The following HHAT variants were observed in gnomAD, a reference collection of about 807,000 sequenced individuals.
HHAT encodes the protein protein-cysteine N-palmitoyltransferase HHAT.
Under a neutral mutation model 70.8 loss-of-function variants are expected in HHAT, and 47 were observed. That is an observed-to-expected ratio of 0.66 (90% confidence interval 0.53 to 0.85). The LOEUF is 0.85. HHAT is among the 40% of genes least tolerant of loss of function. HHAT has a pLI of 0.00. For missense variants in HHAT, 609 were observed against 604.8 expected (o/e 1.01, Z -0.07); for synonymous variants, 228 against 247.6 (o/e 0.92, Z 0.74).
At chr1:210,616,460 C>T (rs2148857247) in intron 10 of HHAT, among the ~76,000 whole-genome samples, 1 of 152,202 alleles carries the variant, frequency 6.6e-6, no homozygotes, top group South Asian at 2.1e-4. Flanking sequence ...CTTGTGGATC[C>T]CAGTTACTTT....
intron 11 of HHAT, among the ~76,000 whole-genome samples, chr1:210,653,554 A>G (rs1675642406): frequency 6.6e-6 from 1 of 151,334 alleles, no homozygotes; most frequent in Admixed American, 6.6e-5. Flanking sequence ...AAAGTTAAAT[A>G]CCATTTAATG....
At chr1:210,595,656 T>C (rs1490365421) in intron 10 of HHAT, among the ~76,000 whole-genome samples, 1 of 152,234 alleles carries the variant, frequency 6.6e-6, no homozygotes, top group Non-Finnish European at 1.5e-5. Context: ...ATGATTGCCA[T>C]TCTAACTGGT....
chr1:210,539,860 T>G (rs1217250070), intron 9 of HHAT, among the ~76,000 whole-genome samples: 1 of 152,190 alleles, frequency 6.6e-6, no homozygotes, highest in Non-Finnish European at 1.5e-5. Context: ...TATGAGAGTG[T>G]GTATCTGTTC....
At chr1:210,661,853 G>C (rs1280537519) in intron 11 of HHAT, among the ~76,000 whole-genome samples, 1 of 152,184 alleles carries the variant, frequency 6.6e-6, no homozygotes, top group African/African-American at 2.4e-5. Flanking sequence ...GTGGCAGGGG[G>C]AGGGTAGCAT....
intron 1 of HHAT, among the ~76,000 whole-genome samples, chr1:210,334,524 C>A (rs979724330): frequency 5.8e-4 from 88 of 151,954 alleles, no homozygotes; most frequent in African/African-American, 2.0e-3. Context: ...CCCGGGTTCA[C>A]AGTTGTTTCT....
intron 8 of HHAT, among the ~76,000 whole-genome samples, chr1:210,509,660 G>A (rs1462222697): frequency 5.9e-5 from 9 of 152,186 alleles, no homozygotes; most frequent in African/African-American, 2.2e-4. Context: ...CTGTGTGTGT[G>A]TGTTGGCTTT....
At chr1:210,497,275 G>A (rs554461795) in intron 8 of HHAT, among the ~76,000 whole-genome samples, 1 of 152,168 alleles carries the variant, frequency 6.6e-6, no homozygotes, top group Non-Finnish European at 1.5e-5. Flanking sequence ...AAACAAATCT[G>A]TTTTAGCTCT....
intron 9 of HHAT, among the ~76,000 whole-genome samples, chr1:210,564,418 A>G (rs942302492): frequency 4.6e-5 from 7 of 152,352 alleles, no homozygotes; most frequent in Non-Finnish European, 1.0e-4. Flanking sequence ...AGATGAAAAC[A>G]GAGAGCTCCA....
In HHAT at chr1:210,482,481, A is replaced by C. The variant is rs529566549; in HGVS notation, c.1007+17826A>C. 1.7e-4 allele frequency among the ~76,000 whole-genome samples: 26 copies of C among 152,346 alleles called. No homozygotes were observed. The East Asian group carries it at 5.0e-3, about 29-fold the overall frequency. On this transcript the variant is annotated intron_variant, in intron 8 of 11. Transcript: ENST00000261458. ...CACAGGGTGCCAGTAATTAGATAGAAGAATACTCCCTTCATTGTTTGTCTG... is the reference window on the plus strand; with the variant it reads ...CACAGGGTGCCAGTAATTAGATAGACGAATACTCCCTTCATTGTTTGTCTG...
At chr1:210,572,134 C>A (rs1656444027) in intron 9 of HHAT, among the ~76,000 whole-genome samples, 1 of 152,188 alleles carries the variant, frequency 6.6e-6, no homozygotes, top group African/African-American at 2.4e-5. Flanking sequence ...CAAGCTCAAG[C>A]ATTATCAGTT....
At chr1:210,614,309 G>C (rs541324241) in intron 10 of HHAT, among the ~76,000 whole-genome samples, 1 of 152,084 alleles carries the variant, frequency 6.6e-6, no homozygotes, top group Admixed American at 6.5e-5. Context: ...ATTTTTGGTA[G>C]AATTTTTAGG....
intron 2 of HHAT, among the ~76,000 whole-genome samples, chr1:210,353,170 G>A (rs2087218901): frequency 6.6e-6 from 1 of 151,832 alleles, no homozygotes; most frequent in African/African-American, 2.4e-5. Flanking sequence ...TCCTGACCTG[G>A]GGTAATCCAC....
chr1:210,428,867 T>C (rs1267395230), intron 7 of HHAT, among the ~76,000 whole-genome samples: 2 of 151,550 alleles, frequency 1.3e-5, no homozygotes, highest in African/African-American at 4.9e-5. Context: ...TGCCAGCTAC[T>C]CAGGAGGCTG....
Position 210,400,341 on chromosome 1 carries a change from G to A in HHAT, c.274-127G>A. The A allele has an allele frequency of 4.9e-6, 4 of 818,114 alleles. No homozygotes were observed. In the South Asian group the frequency reaches 6.4e-5, roughly 13 times the overall value. 50.7% of individuals were successfully genotyped at this position (818,114 alleles called of 1,614,324 possible). On this transcript the variant is annotated intron_variant, in intron 4 of 11. Coordinates refer to ENST00000261458, the MANE Select transcript of HHAT (RefSeq NM_018194.6). The stretch of plus-strand genomic sequence containing the variant: ...GGGCAGTGATAAGAGTTTCTTTATT[G>A]GGTAATTAAACGTGATCCTCTTACA...
rs571662134 is a variant in HHAT, at chr1:210,554,049, T to G, written c.1044-33849T>G. On this transcript the variant is annotated intron_variant, in intron 9 of 11. Coordinates refer to ENST00000261458, the MANE Select transcript of HHAT (RefSeq NM_018194.6). Reference sequence around the variant, plus strand: ...CATCATGGGCACGCAAAGCCTGCAGTGAGCAAGTGGAACCGGGGCTGCTAG... The same window carrying G: ...CATCATGGGCACGCAAAGCCTGCAGGGAGCAAGTGGAACCGGGGCTGCTAG... Among the ~76,000 whole-genome samples, 3 of 152,228 alleles carry G rather than the reference T, an allele frequency of 2.0e-5. No individual in the cohort carries two copies. The South Asian group carries it at 6.2e-4, about 32-fold the overall frequency.
chr1:210,331,698 A>G (rs986875292), intron 1 of HHAT, among the ~76,000 whole-genome samples: 3 of 152,226 alleles, frequency 2.0e-5, no homozygotes, highest in African/African-American at 7.2e-5. Context: ...ATCTCTGCTA[A>G]TGTTTGAAAC....
intron 10 of HHAT, among the ~76,000 whole-genome samples, chr1:210,596,944 C>T (rs573796502): frequency 6.6e-6 from 1 of 152,238 alleles, no homozygotes; most frequent in African/African-American, 2.4e-5. Context: ...GTTTGGGCTT[C>T]TTTGTGCCTA....
At chr1:210,539,971 A>T (rs1261827793) in intron 9 of HHAT, among the ~76,000 whole-genome samples, 1 of 152,226 alleles carries the variant, frequency 6.6e-6, no homozygotes, top group Non-Finnish European at 1.5e-5. Flanking sequence ...CATTGCTTGA[A>T]GTACACTAAA....
At chr1:210,435,681 C>G (rs1425100968) in intron 7 of HHAT, among the ~76,000 whole-genome samples, 1 of 151,664 alleles carries the variant, frequency 6.6e-6, no homozygotes, top group African/African-American at 2.4e-5. Flanking sequence ...GACGATATCT[C>G]ATTGTGGCTT....
Sources: gnomAD v4.1 joint callset for allele counts (sites outside exome capture counted in the v4.1 genomes callset) on GRCh38, gnomAD v4.1.1 for gene constraint, MANE v1.5 for transcripts, NCBI Gene and HGNC (gene_info 2026-07-23, HGNC 2026-07-21) for gene names.